Variants in DAP3 observed in about 807,000 individuals in gnomAD.
DAP3 encodes death associated protein 3.
DAP3 carries 28 observed loss-of-function variants against 51.9 expected under a neutral mutation model. The observed-to-expected ratio is 0.54, with a 90% CI of 0.40 to 0.74. The LOEUF is 0.74. Among genes scored for constraint, DAP3 ranks in the 30% least tolerant of loss-of-function variants. The pLI is 0.00. For synonymous variants in DAP3, 170 were observed against 170.3 expected (o/e 1.00, Z 0.01); for missense variants, 458 against 483.5 (o/e 0.95, Z 0.49).
intron 1 of DAP3, among the ~76,000 whole-genome samples, chr1:155,705,594 C>A (rs1475677087): frequency 2.0e-5 from 3 of 146,630 alleles, no homozygotes; most frequent in South Asian, 4.3e-4. Flanking sequence ...TGGAGCGAGA[C>A]CCTGTCTCAA....
intron 1 of DAP3, chr1:155,689,584 G>A (rs529287070): frequency 2.7e-6 from 1 of 369,676 alleles, no homozygotes; most frequent in South Asian, 2.0e-5. Flanking sequence ...TAAAAATTAG[G>A]CAACTCCAAA....
At position 155,693,916 on chromosome 1, in the gene DAP3, G is replaced by A. The variant is rs188598227; in HGVS notation, c.-8+4742G>A. ...GCGGAGGTTGCAGTGAGCTGAGATT[G>A]CGCCATTGCACTCCAGCCTGTGCAA... On this transcript the variant is annotated intron_variant, in intron 1 of 12. Coordinates refer to ENST00000368336, the MANE Select transcript of DAP3 (RefSeq NM_004632.4). 5.0e-5 allele frequency among the ~76,000 whole-genome samples: 7 copies of A among 140,720 alleles called. 3 individuals carry two copies. The highest frequency in any genetic ancestry group is 2.3e-4 in the African/African-American group (7 of 30,418). 92.3% of individuals were successfully genotyped at this position (140,720 alleles called of 152,430 possible).
chr1:155,688,943 TC>T, upstream of DAP3: 1 of 1,612,630 alleles, frequency 6.2e-7, no homozygotes, highest in Non-Finnish European at 8.5e-7. Context: ...CCTGGGTTCG[TC>T]GCCGCGGCGC....
At chr1:155,713,678 A>T (rs1656989616) in intron 2 of DAP3, among the ~76,000 whole-genome samples, 1 of 152,144 alleles carries the variant, frequency 6.6e-6, no homozygotes, top group Non-Finnish European at 1.5e-5. Flanking sequence ...GTTTTTTTAA[A>T]ATAGAGACAA....
intron 9 of DAP3, among the ~76,000 whole-genome samples, chr1:155,731,038 G>C (rs1446756978): frequency 6.6e-6 from 1 of 152,152 alleles, no homozygotes; most frequent in Non-Finnish European, 1.5e-5. Context: ...GGTAGGCCGA[G>C]GTGGGTGGAT....
At chr1:155,718,705 AAGATAGATAGAT>A (rs61332895) in intron 3 of DAP3, among the ~76,000 whole-genome samples, 2,818 of 140,930 alleles carry the variant, frequency 0.02, 90 homozygotes, top group African/African-American at 0.067. Context: ...AAAAGAAAGA[AAGATAGATAGAT>A]AGATAGATAG....
chr1:155,729,440 T>G, intron 9 of DAP3, 74 bp downstream of exon 9: 1 of 1,534,518 alleles, frequency 6.5e-7, no homozygotes, highest in Non-Finnish European at 8.8e-7. Context: ...GGTCTTAGCC[T>G]TGTAGACCAT....
At chr1:155,728,859 C>CAA (rs34650481) in intron 7 of DAP3, among the ~76,000 whole-genome samples, 183 bp from the exon 8 acceptor site, 1 of 136,362 alleles carries the variant, frequency 7.3e-6, no homozygotes, top group Non-Finnish European at 1.6e-5. Context: ...GAAGCTGTCT[C>CAA]AAAAAAAAAA....
chr1:155,697,119 A>C (rs189225078), intron 1 of DAP3, among the ~76,000 whole-genome samples: 1 of 152,290 alleles, frequency 6.6e-6, no homozygotes. Context: ...AACGCCCCCA[A>C]GTTTTTCTGA....
intron 3 of DAP3, 42 bp downstream of exon 3, chr1:155,717,170 A>G: frequency 6.3e-7 from 1 of 1,594,696 alleles, no homozygotes; most frequent in Non-Finnish European, 8.5e-7. Flanking sequence ...AGGGCTTATG[A>G]TTTGTGTTCC....
In DAP3 at chr1:155,731,339, T is replaced by C. The variant is rs1413840571; in HGVS notation, c.844-17T>C. 13 of 1,613,490 alleles carry C rather than the reference T, an allele frequency of 8.1e-6. No individual in the cohort carries two copies. Among genetic ancestry groups the C allele is most frequent in the Non-Finnish European group, 1.1e-5 (13 of 1,179,560 alleles). On this transcript the variant is annotated splice_polypyrimidine_tract_variant and intron_variant, in intron 9 of 12. Transcript: ENST00000368336. ...AGGCACGTGATGATCTCTTCTCTCT[T>C]TCTGTCCGATATGCAGATTGCCCCC...
chr1:155,700,297 C>G (rs890924939), intron 1 of DAP3, among the ~76,000 whole-genome samples: 2 of 152,156 alleles, frequency 1.3e-5, no homozygotes, highest in African/African-American at 2.4e-5. Flanking sequence ...AAGTTAAGTT[C>G]TATGTGATTT....
rs527853184 is a variant in DAP3, at chr1:155,726,262, C to T, written c.472+243C>T. 28 of 293,706 alleles carry T rather than the reference C, an allele frequency of 9.5e-5. No homozygotes were observed. In the South Asian group the frequency reaches 1.3e-3, roughly 14 times the overall value. 18.2% of individuals were successfully genotyped at this position (293,706 alleles called of 1,614,324 possible). A position where few individuals can be genotyped will look rare whatever the true frequency, so the allele number is the denominator to read the frequency against. The stretch of plus-strand genomic sequence containing the variant: ...CCAAGTAGCTGGGATTACAGGCGCC[C>T]ACCACACCACCACGCCCAGCTAATT... On this transcript the variant is annotated intron_variant, in intron 6 of 12. Transcript: ENST00000368336.
intron 9 of DAP3, among the ~76,000 whole-genome samples, chr1:155,730,097 TAC>T (rs1203079761): frequency 7.2e-6 from 1 of 139,420 alleles, no homozygotes; most frequent in Non-Finnish European, 1.5e-5. Context: ...TATGTATATA[TAC>T]ACACATATAT....
intron 7 of DAP3, among the ~76,000 whole-genome samples, chr1:155,728,164 T>G (rs1460831413): frequency 6.6e-6 from 1 of 152,200 alleles, no homozygotes; most frequent in Non-Finnish European, 1.5e-5. Context: ...CAGAGTCACC[T>G]AAGAGCTTGT....
intron 10 of DAP3, 46 bp from the exon 11 acceptor site, chr1:155,731,898 A>G (rs752044735): frequency 4.2e-5 from 65 of 1,538,500 alleles, no homozygotes; most frequent in Non-Finnish European, 5.7e-5. Context: ...GCAGTTTTCC[A>G]TCCTTTTTAA....
In DAP3 at chr1:155,725,585, G is replaced by A. The variant is rs370581706; in HGVS notation, c.379+95G>A. 293 of 1,173,300 alleles carry A rather than the reference G, an allele frequency of 2.5e-4. 1 individual carries two copies. In the African/African-American group the frequency reaches 3.2e-3, roughly 13 times the overall value. 72.7% of individuals were successfully genotyped at this position (1,173,300 alleles called of 1,614,324 possible). On this transcript the variant is annotated intron_variant, in intron 5 of 12. Coordinates refer to ENST00000368336, the MANE Select transcript of DAP3 (RefSeq NM_004632.4). ...AATGAAAAAAAGTACTGTTGAGGCC[G>A]GGCATGGTAGCTCACACCTATAATC...
intron 1 of DAP3, among the ~76,000 whole-genome samples, chr1:155,698,137 A>G (rs1654759104): frequency 1.3e-5 from 2 of 152,210 alleles, no homozygotes; most frequent in Admixed American, 1.3e-4. Context: ...CAAATGCTTT[A>G]CAAACAATTT....
In DAP3 at chr1:155,729,072, AAG is replaced by A. The variant is rs1658922741; in HGVS notation, c.640_641del (p.Glu214LysfsTer3). On this transcript the variant is annotated frameshift_variant, in exon 8 of 13. Transcript: ENST00000368336. LOFTEE classifies it high-confidence loss of function. ...IKVQEKYVWN[K>X]RESTEKGSPL... ...AGTTCAAGAGAAGTATGTCTGGAAT[AAG>A]AGAGAAAGCACTGAGAAAGGGAGTC... 1.1e-5 allele frequency: 18 copies of A among 1,614,068 alleles called. No homozygotes were observed. The highest frequency in any genetic ancestry group is 1.5e-5 in the Non-Finnish European group (18 of 1,180,014).
Sources: gnomAD v4.1 joint callset for allele counts (sites outside exome capture counted in the v4.1 genomes callset) on GRCh38, gnomAD v4.1.1 for gene constraint, MANE v1.5 for transcripts, NCBI Gene and HGNC (gene_info 2026-07-23, HGNC 2026-07-21) for gene names.